Variants in CBFA2T2 observed in about 807,000 individuals in gnomAD.
CBFA2T2 encodes the protein protein CBFA2T2.
A neutral mutation model predicts 62.2 loss-of-function variants in CBFA2T2; 11 were observed. The observed-to-expected ratio is 0.18, with a 90% CI of 0.11 to 0.29. The LOEUF is 0.29. Ranked by LOEUF, CBFA2T2 falls within the 10% of genes least tolerant of loss-of-function variation. The pLI, the probability that CBFA2T2 is intolerant of heterozygous loss-of-function variation, is 1.00. For synonymous variants in CBFA2T2, 295 were observed against 287.5 expected (o/e 1.03, Z -0.27); for missense variants, 592 against 774.1 (o/e 0.76, Z 2.79).
intron 1 of CBFA2T2, among the ~76,000 whole-genome samples, chr20:33,500,634 G>A (rs1600900552): frequency 6.6e-6 from 1 of 152,172 alleles, no homozygotes; most frequent in East Asian, 1.9e-4. Context: ...ACTTGAACCT[G>A]GGAGGCAGAG....
At chr20:33,578,585 G>A (rs2013944711) in intron 1 of CBFA2T2, among the ~76,000 whole-genome samples, 1 of 152,190 alleles carries the variant, frequency 6.6e-6, no homozygotes, top group Non-Finnish European at 1.5e-5. Context: ...GGTGCATACA[G>A]CTATCATCCA....
At chr20:33,534,751 C>CTTT (rs11167206) in intron 1 of CBFA2T2, among the ~76,000 whole-genome samples, 1,124 of 92,908 alleles carry the variant, frequency 0.012, 22 homozygotes, top group East Asian at 0.018. Flanking sequence ...ATCTTTTTAG[C>CTTT]TTTTTTTTTT....
At chr20:33,595,784 C>A (rs2014860106) in intron 1 of CBFA2T2, among the ~76,000 whole-genome samples, 1 of 152,118 alleles carries the variant, frequency 6.6e-6, no homozygotes, top group Admixed American at 6.5e-5. Flanking sequence ...ACTCGATCCA[C>A]CTGCCTCAGC....
At chr20:33,532,297 T>C (rs1215556380) in intron 1 of CBFA2T2, among the ~76,000 whole-genome samples, 1 of 152,192 alleles carries the variant, frequency 6.6e-6, no homozygotes, top group Non-Finnish European at 1.5e-5. Context: ...CAGAAAAGTG[T>C]AATTCTGTCA....
chr20:33,529,010 A>AGTTTGTTTGTTTTTTTT (rs999640066), intron 1 of CBFA2T2, among the ~76,000 whole-genome samples: 1 of 151,806 alleles, frequency 6.6e-6, no homozygotes, highest in Non-Finnish European at 1.5e-5. Flanking sequence ...CGCGTGGACC[A>AGTTTGTTTGTTTTTTTT]GTTTGTTTGT....
intron 9 of CBFA2T2, chr20:33,639,295 CTG>C (rs2016736761): frequency 6.6e-6 from 1 of 152,270 alleles, no homozygotes; most frequent in African/African-American, 2.4e-5. Flanking sequence ...GTCAAGCCGA[CTG>C]GGCACGGTGG....
chr20:33,582,413 G>C (rs1029830934), intron 1 of CBFA2T2, among the ~76,000 whole-genome samples: 2 of 151,244 alleles, frequency 1.3e-5, no homozygotes, highest in African/African-American at 4.9e-5. Flanking sequence ...ACTTGAACCT[G>C]GGAGGCAGAG....
intron 3 of CBFA2T2, 140 bp from the exon 4 acceptor site, chr20:33,619,376 TG>T (rs956502344): frequency 5.7e-5 from 27 of 469,576 alleles, no homozygotes; most frequent in Non-Finnish European, 8.0e-5. Flanking sequence ...CACTGCGCTC[TG>T]GCCTGGGCAA....
At chr20:33,591,353 A>T (rs2014616575) in intron 1 of CBFA2T2, among the ~76,000 whole-genome samples, 1 of 151,160 alleles carries the variant, frequency 6.6e-6, no homozygotes, top group South Asian at 2.1e-4. Context: ...TCCCTGCTGT[A>T]GTCCCAGCTA....
chr20:33,624,419 C>G (rs2016135079), intron 5 of CBFA2T2, among the ~76,000 whole-genome samples: 1 of 151,898 alleles, frequency 6.6e-6, no homozygotes, highest in Admixed American at 6.6e-5. Context: ...CTCATCTCCA[C>G]AGTAACAAAT....
At position 33,624,926 on chromosome 20, in the gene CBFA2T2, C is replaced by T. The variant is rs1568861702; in HGVS notation, c.855C>T (p.Tyr285=). Residue 285 remains tyrosine (Y), a synonymous_variant, in exon 6 of 11, where the codon TAC becomes TAT. Transcript: ENST00000342704. Reference sequence around the variant, plus strand: ...CTACCCCTCCACCTCTTCAGCATTACACCTTAGAGGATATTGCAACTTCTC... The same window carrying T: ...CTACCCCTCCACCTCTTCAGCATTATACCTTAGAGGATATTGCAACTTCTC... ...FHPTPPPLQH[Y]TLEDIATSHL... is the part of the protein sequence containing the mutation. The T allele has an allele frequency of 3.1e-6, 5 of 1,613,996 alleles. No homozygotes were observed. The highest frequency in any genetic ancestry group is 1.6e-4 in the Middle Eastern group (1 of 6,084).
intron 1 of CBFA2T2, among the ~76,000 whole-genome samples, chr20:33,490,616 C>T (rs2011139620): frequency 6.6e-6 from 1 of 152,166 alleles, no homozygotes; most frequent in Non-Finnish European, 1.5e-5. Context: ...GTTGTCCCAG[C>T]GCTGGGGCCA....
In CBFA2T2 at chr20:33,644,501, G is replaced by T; in HGVS notation, c.1643G>T (p.Arg548Leu). 1 of 1,614,064 alleles carries T rather than the reference G, an allele frequency of 6.2e-7. No homozygotes were observed. Among genetic ancestry groups the T allele is most frequent in the African/African-American group, 1.3e-5 (1 of 75,074 alleles). Residue 548 changes from arginine to leucine, a missense_variant, in exon 11 of 11, where the codon CGG becomes CTG. Physicochemically the swap from Arg to Leu is moderately radical, Grantham distance 102. This residue lies in a region of CBFA2T2 where 85 missense variants were observed against 99.0 expected (regional missense o/e 0.86). Transcript: ENST00000342704. ...LHGQSPHGQGRPLLPVGRGSS... is the reference protein window; with the variant it reads ...LHGQSPHGQGLPLLPVGRGSS... ...GGCCAGAGCCCCCACGGCCAGGGCC[G>T]GCCGCTGCTTCCTGTAGGCAGGGGC... is the stretch of plus-strand genomic sequence containing the variant.
intron 1 of CBFA2T2, among the ~76,000 whole-genome samples, chr20:33,538,669 G>A (rs2012330038): frequency 6.6e-6 from 1 of 152,104 alleles, no homozygotes; most frequent in Non-Finnish European, 1.5e-5. Context: ...CCTGGCCTCC[G>A]TTGGATTTTC....
intron 10 of CBFA2T2, among the ~76,000 whole-genome samples, chr20:33,641,005 G>T (rs1292734680): frequency 6.6e-6 from 1 of 151,938 alleles, no homozygotes; most frequent in Non-Finnish European, 1.5e-5. Flanking sequence ...CAGGATACAG[G>T]AGTAAGAAAG....
intron 2 of CBFA2T2, among the ~76,000 whole-genome samples, chr20:33,609,951 G>A (rs1407072129): frequency 6.6e-6 from 1 of 152,082 alleles, no homozygotes; most frequent in East Asian, 1.9e-4. Context: ...TGATACTTAG[G>A]TACTAGATAA....
At chr20:33,643,857 G>GTGTA (rs1462416737) in intron 10 of CBFA2T2, among the ~76,000 whole-genome samples, 1 of 112,682 alleles carries the variant, frequency 8.9e-6, no homozygotes, top group Admixed American at 9.1e-5. Context: ...GTGTGTGTGT[G>GTGTA]TGTATATAAT....
chr20:33,611,828 T>A (rs1352819124), intron 3 of CBFA2T2, among the ~76,000 whole-genome samples: 2 of 152,230 alleles, frequency 1.3e-5, no homozygotes, highest in Non-Finnish European at 1.5e-5. Context: ...TGTCAGTGCT[T>A]ATCAAAGAAA....
intron 1 of CBFA2T2, among the ~76,000 whole-genome samples, chr20:33,526,872 C>T (rs1233999090): frequency 6.6e-6 from 1 of 152,192 alleles, no homozygotes; most frequent in African/African-American, 2.4e-5. Context: ...ACTTCTATCT[C>T]TTACTCACCT....
Sources: allele counts gnomAD v4.1 joint callset (sites outside exome capture counted in the v4.1 genomes callset), GRCh38; gene constraint gnomAD v4.1.1; regional missense constraint gnomAD v4.1.1; transcripts MANE v1.5; gene names NCBI Gene and HGNC (gene_info 2026-07-23, HGNC 2026-07-21).